Variants in WSCD2 observed in about 807,000 individuals in gnomAD.
WSCD2 encodes the protein sialate:O-sulfotransferase 2.
A neutral mutation model predicts 55.7 loss-of-function variants in WSCD2; 28 were observed. The observed-to-expected ratio is 0.50, with a 90% confidence interval of 0.37 to 0.69. The LOEUF (loss-of-function observed/expected upper bound fraction) is 0.69, where lower values mean the gene tolerates loss of function less well. WSCD2 is among the 30% of genes least tolerant of loss of function. The pLI is 0.00. For synonymous variants in WSCD2, 301 were observed against 301.9 expected (o/e 1.00, Z 0.03); for missense variants, 616 against 762.1 (o/e 0.81, Z 2.26).
At chr12:108,192,923 T>A (rs994127391) in intron 1 of WSCD2, among the ~76,000 whole-genome samples, 1 of 151,932 alleles carries the variant, frequency 6.6e-6, no homozygotes, top group Non-Finnish European at 1.5e-5. Flanking sequence ...TGGGAGCTTA[T>A]GTGCAAGGGC....
At chr12:108,244,784 T>A (rs1176270866) in intron 8 of WSCD2, among the ~76,000 whole-genome samples, 1 of 152,172 alleles carries the variant, frequency 6.6e-6, no homozygotes, top group Non-Finnish European at 1.5e-5. Flanking sequence ...CTAGAAGTCA[T>A]GCTTCCCTGG....
chr12:108,188,158 AT>A (rs1197454047), intron 1 of WSCD2, among the ~76,000 whole-genome samples: 1 of 152,108 alleles, frequency 6.6e-6, no homozygotes, highest in Non-Finnish European at 1.5e-5. Flanking sequence ...ATAAATGAAA[AT>A]GGACATGGTT....
intron 1 of WSCD2, among the ~76,000 whole-genome samples, chr12:108,170,370 GACA>G (rs984114288): frequency 2.0e-5 from 3 of 151,514 alleles, no homozygotes; most frequent in Non-Finnish European, 4.4e-5. Flanking sequence ...ACAATGACAA[GACA>G]ACAATGATGA....
intron 8 of WSCD2, among the ~76,000 whole-genome samples, chr12:108,245,794 A>G (rs1172007520): frequency 6.6e-6 from 1 of 152,226 alleles, no homozygotes; most frequent in African/African-American, 2.4e-5. Context: ...TCTGGTCTTA[A>G]CCCATTATAA....
At chr12:108,137,911 G>T (rs140678568) in intron 1 of WSCD2, among the ~76,000 whole-genome samples, 1 of 152,326 alleles carries the variant, frequency 6.6e-6, no homozygotes, top group African/African-American at 2.4e-5. Context: ...AGGTGCTCAA[G>T]AAATGAATAT....
chr12:108,239,091 G>C (rs538630052), intron 7 of WSCD2, among the ~76,000 whole-genome samples: 19 of 152,138 alleles, frequency 1.2e-4, no homozygotes, highest in Non-Finnish European at 2.2e-4. Context: ...TCCTCTTAAG[G>C]GTTCTCCAGT....
intron 1 of WSCD2, among the ~76,000 whole-genome samples, chr12:108,148,584 T>G (rs1224289057): frequency 1.3e-5 from 2 of 152,210 alleles, no homozygotes; most frequent in Non-Finnish European, 1.5e-5. Flanking sequence ...CTCCAGGGCT[T>G]GAATTCCTCT....
chr12:108,215,422 G>T (rs1317061072), intron 4 of WSCD2, among the ~76,000 whole-genome samples: 1 of 152,132 alleles, frequency 6.6e-6, no homozygotes, highest in African/African-American at 2.4e-5. Context: ...GTGAGGTAAA[G>T]ACTAGAAAGC....
chr12:108,180,050 CAAAAAAAA>C lies in WSCD2; in HGVS notation c.-551-15222_-551-15215del, dbSNP rs59925486. On this transcript the variant is annotated intron_variant, in intron 1 of 8. Coordinates refer to ENST00000547525, the MANE Select transcript of WSCD2 (RefSeq NM_014653.4). ...AGAGAAAGACTCCATCTCAAAAAAA[CAAAAAAAA>C]AAAAAAAAAGAAAAAGAAAAGAAAA... Among the ~76,000 whole-genome samples, 10 of 116,678 alleles carry C rather than the reference CAAAAAAAA, an allele frequency of 8.6e-5. No homozygotes were observed. In the East Asian group the frequency reaches 1.2e-3, roughly 14 times the overall value. The allele number at this position is 116,678 out of a possible 152,430, so 76.5% of individuals were successfully genotyped here. A position where few individuals can be genotyped will look rare whatever the true frequency, so the allele number is the denominator to read the frequency against.
chr12:108,176,310 TGTG>T (rs1462311500), intron 1 of WSCD2, among the ~76,000 whole-genome samples: 2 of 152,224 alleles, frequency 1.3e-5, no homozygotes, highest in Non-Finnish European at 2.9e-5. Context: ...TTTGCCCCTC[TGTG>T]GTCAATCCCT....
chr12:108,220,597 A>G (rs1887387528), intron 4 of WSCD2, among the ~76,000 whole-genome samples: 1 of 152,222 alleles, frequency 6.6e-6, no homozygotes, highest in Non-Finnish European at 1.5e-5. Flanking sequence ...GGGCATGATC[A>G]TGGCTCATTG....
intron 8 of WSCD2, chr12:108,244,663 C>T (rs1889964595): frequency 1.4e-6 from 1 of 694,510 alleles, no homozygotes; most frequent in African/African-American, 1.7e-5. Flanking sequence ...TCACATACCT[C>T]ATGTGGGGAG....
chr12:108,130,481 T>G (rs1420158203), intron 1 of WSCD2, among the ~76,000 whole-genome samples: 5 of 54,264 alleles, frequency 9.2e-5, no homozygotes, highest in Admixed American at 3.5e-4. Context: ...CTGGGGTGTG[T>G]GTGTGTGTGT....
At chr12:108,231,615 C>G (rs529163374) in intron 6 of WSCD2, among the ~76,000 whole-genome samples, 1 of 152,304 alleles carries the variant, frequency 6.6e-6, no homozygotes, top group African/African-American at 2.4e-5. Flanking sequence ...TCATTCAATC[C>G]TTACAAGAGC....
intron 7 of WSCD2, among the ~76,000 whole-genome samples, chr12:108,239,704 C>G (rs1164035300): frequency 2.6e-5 from 4 of 152,100 alleles, no homozygotes; most frequent in Admixed American, 2.6e-4. Flanking sequence ...AGCACCCAAG[C>G]CTTTTCTCTT....
intron 8 of WSCD2, among the ~76,000 whole-genome samples, chr12:108,241,529 G>T (rs922531940): frequency 2.0e-5 from 3 of 152,154 alleles, no homozygotes; most frequent in Non-Finnish European, 4.4e-5. Flanking sequence ...GTCCAGGGAG[G>T]TTAAGGAGCT....
chr12:108,247,960 TCTGA>T, intron 8 of WSCD2, 27 bp from the exon 9 acceptor site: 1 of 1,594,680 alleles, frequency 6.3e-7, no homozygotes, highest in Non-Finnish European at 8.6e-7. Context: ...TCCTCCTCCC[TCTGA>T]CTGTGTCCTT....
intron 3 of WSCD2, among the ~76,000 whole-genome samples, chr12:108,208,480 G>A (rs1885712390): frequency 6.6e-6 from 1 of 152,126 alleles, no homozygotes; most frequent in African/African-American, 2.4e-5. Context: ...CATGTGGAGG[G>A]TTTAGGAAGA....
At chr12:108,136,715 C>T (rs1876263777) in intron 1 of WSCD2, among the ~76,000 whole-genome samples, 1 of 152,172 alleles carries the variant, frequency 6.6e-6, no homozygotes, top group South Asian at 2.1e-4. Flanking sequence ...TCTCTCTGAC[C>T]TCAAAGCCCG....
Sources: allele counts gnomAD v4.1 joint callset (sites outside exome capture counted in the v4.1 genomes callset), GRCh38; gene constraint gnomAD v4.1.1; transcripts MANE v1.5; gene names NCBI Gene and HGNC (gene_info 2026-07-23, HGNC 2026-07-21).